ADRA1A: variants seen among roughly 807,000 people sequenced by gnomAD.
ADRA1A encodes alpha-1A adrenergic receptor.
In ADRA1A, 31 loss-of-function variants were observed where a neutral mutation model predicts 29.6. That is an observed-to-expected ratio of 1.05 (90% CI 0.79 to 1.41). The LOEUF (loss-of-function observed/expected upper bound fraction) is 1.41. Among genes scored for constraint, ADRA1A ranks in the 40% most tolerant of loss-of-function variants. The pLI is 0.00. For missense variants in ADRA1A, 619 were observed against 601.1 expected (o/e 1.03, Z -0.31); for synonymous variants, 311 against 254.3 (o/e 1.22, Z -2.12).
downstream of ADRA1A, among the ~76,000 whole-genome samples, chr8:26,751,779 G>A (rs980531951): frequency 6.6e-6 from 1 of 152,186 alleles, no homozygotes; most frequent in South Asian, 2.1e-4. Context: ...TGTTTATTAT[G>A]AACTACACAG....
At chr8:26,824,805 C>G (rs1334784110) in intron 2 of ADRA1A, among the ~76,000 whole-genome samples, 1 of 152,142 alleles carries the variant, frequency 6.6e-6, no homozygotes, top group African/African-American at 2.4e-5. Context: ...GTGACTAATA[C>G]CCAGAGACAG....
chr8:26,823,323 T>G lies in ADRA1A; in HGVS notation c.883+40764A>C, dbSNP rs567852856. Reference sequence around the variant, plus strand: ...GGCTGGGCATGGGCGGTGACTTCCATCTGCTTCCTCATGGAGCACAGCCTC... The same window carrying G: ...GGCTGGGCATGGGCGGTGACTTCCAGCTGCTTCCTCATGGAGCACAGCCTC... On this transcript the variant is annotated intron_variant, in intron 2 of 2. Transcript: ENST00000380573. The surrounding 1 kb of genome is among the most constrained non-coding windows in gnomAD (Gnocchi z 4.2). 6.6e-6 allele frequency among the ~76,000 whole-genome samples: 1 copy of G among 152,122 alleles called. No homozygotes were observed. The highest frequency in any genetic ancestry group is 1.5e-5 in the Non-Finnish European group (1 of 68,032).
intron 2 of ADRA1A, among the ~76,000 whole-genome samples, chr8:26,852,251 T>C (rs1245476811): frequency 6.6e-6 from 1 of 152,176 alleles, no homozygotes; most frequent in Non-Finnish European, 1.5e-5. Flanking sequence ...AAACTTTGCG[T>C]AGAAGCAAAT....
intron 2 of ADRA1A, among the ~76,000 whole-genome samples, chr8:26,774,327 G>T (rs1806384484): frequency 6.6e-6 from 1 of 152,200 alleles, no homozygotes; most frequent in Admixed American, 6.5e-5. Flanking sequence ...GGTTAGATGA[G>T]AGACTCATAG....
At chr8:26,816,102 G>A (rs1809737608) in intron 2 of ADRA1A, among the ~76,000 whole-genome samples, 1 of 152,218 alleles carries the variant, frequency 6.6e-6, no homozygotes, top group Admixed American at 6.5e-5. Flanking sequence ...CCCTCTTAGT[G>A]TAGGCCTGAG....
chr8:26,850,236 A>T (rs1032717484), intron 2 of ADRA1A, among the ~76,000 whole-genome samples: 2 of 152,108 alleles, frequency 1.3e-5, no homozygotes, highest in Non-Finnish European at 1.5e-5. Context: ...AGAGAAAAAA[A>T]TTTTATAAAC....
chr8:26,783,792 A>G (rs1280549310), intron 2 of ADRA1A, among the ~76,000 whole-genome samples: 4 of 152,252 alleles, frequency 2.6e-5, no homozygotes, highest in Admixed American at 2.6e-4. Context: ...ATGCCCATCA[A>G]TGATAGACTG....
Position 26,823,259 on chromosome 8 carries a change from A to G in ADRA1A, c.883+40828T>C, listed in dbSNP as rs1810311758. ...CTGTGACACATGCTTCTTTGGCCAC[A>G]TGGTATAGTGTCTGCCTTCCACACT... is the stretch of plus-strand genomic sequence containing the variant. On this transcript the variant is annotated intron_variant, in intron 2 of 2. Coordinates refer to ENST00000380573, the MANE Select transcript of ADRA1A (RefSeq NM_000680.4). The surrounding 1 kb of genome is among the most constrained non-coding windows in gnomAD (Gnocchi z 4.2). Among the ~76,000 whole-genome samples, 1 of 151,442 alleles carries G rather than the reference A, an allele frequency of 6.6e-6. No individual in the cohort carries two copies. The highest frequency in any genetic ancestry group is 1.5e-5 in the Non-Finnish European group (1 of 68,022).
intron 2 of ADRA1A, among the ~76,000 whole-genome samples, chr8:26,830,106 A>G (rs1332902646): frequency 3.3e-5 from 5 of 152,186 alleles, no homozygotes; most frequent in African/African-American, 9.7e-5. Context: ...AGAACTGTCA[A>G]TAACCCAGCC....
In ADRA1A at chr8:26,865,020, G is replaced by C. The variant is rs921593837; in HGVS notation, c.-51C>G. ...CCGGCTGTCCAGGGCCACCTCCCGG[G>C]CTGGCGCGGAGGCGGGAGCGCGGGA... On this transcript the variant is annotated 5_prime_UTR_variant, in exon 2 of 3. Transcript: ENST00000380573. The surrounding 1 kb of genome is among the most constrained non-coding windows in gnomAD (Gnocchi z 7.6). The C allele has an allele frequency of 6.5e-7, 1 of 1,529,082 alleles. No homozygotes were observed. Among genetic ancestry groups the C allele is most frequent in the Non-Finnish European group, 8.7e-7 (1 of 1,146,638 alleles). The allele number at this position is 1,529,082 out of a possible 1,614,324, so 94.7% of individuals were successfully genotyped here.
At position 26,831,416 on chromosome 8, in the gene ADRA1A, A is replaced by G. The variant is rs773884927; in HGVS notation, c.883+32671T>C. ...AGAAAGAGAGAGAGCCTGCTATGCCATGGCCAGTGCTCAAGTGGGCAGACT... is the reference window on the plus strand; with the variant it reads ...AGAAAGAGAGAGAGCCTGCTATGCCGTGGCCAGTGCTCAAGTGGGCAGACT... On this transcript the variant is annotated intron_variant, in intron 2 of 2. Coordinates refer to ENST00000380573, the MANE Select transcript of ADRA1A (RefSeq NM_000680.4). The surrounding 1 kb of genome is among the most constrained non-coding windows in gnomAD (Gnocchi z 5.2). Among the ~76,000 whole-genome samples, 23 of 152,116 alleles carry G rather than the reference A, an allele frequency of 1.5e-4. 1 individual carries two copies. Among genetic ancestry groups the G allele is most frequent in the Non-Finnish European group, 2.6e-4 (18 of 68,020 alleles).
chr8:26,783,822 A>G (rs1452248631), intron 2 of ADRA1A, among the ~76,000 whole-genome samples: 1 of 152,270 alleles, frequency 6.6e-6, no homozygotes, highest in East Asian at 1.9e-4. Context: ...AATGTGGTAC[A>G]TATATACCAT....
chr8:26,770,256 C>T lies in ADRA1A; in HGVS notation c.1294G>A (p.Val432Ile). The change falls in exon 3 of 3, where the codon GTC becomes ATC. Residue 432 changes from valine to isoleucine, a missense_variant. Val to Ile is a conservative substitution (Grantham distance 29). Transcript: ENST00000380573. ...ARVRSKSFLQVCCCVGPSTPS... is the reference protein window; with the variant it reads ...ARVRSKSFLQICCCVGPSTPS... ...GTTGAGGGCCCTACACAGCAGCAGACCTGCAAAAAGCTTTTACTTCTCACC... is the reference window on the plus strand; with the variant it reads ...GTTGAGGGCCCTACACAGCAGCAGATCTGCAAAAAGCTTTTACTTCTCACC... 6.2e-7 allele frequency: 1 copy of T among 1,613,978 alleles called. No individual in the cohort carries two copies.
chr8:26,823,493 C>G lies in ADRA1A; in HGVS notation c.883+40594G>C, dbSNP rs1171607314. Among the ~76,000 whole-genome samples, 1 of 152,182 alleles carries G rather than the reference C, an allele frequency of 6.6e-6. No homozygotes were observed. Among genetic ancestry groups the G allele is most frequent in the Non-Finnish European group, 1.5e-5 (1 of 68,034 alleles). On this transcript the variant is annotated intron_variant, in intron 2 of 2. Coordinates refer to ENST00000380573, the MANE Select transcript of ADRA1A (RefSeq NM_000680.4). The surrounding 1 kb of genome is among the most constrained non-coding windows in gnomAD (Gnocchi z 4.2). ...TTCATTGACAGGTAATTATTGTTCT[C>G]TCATAAAAACTGAATTCTATGAAGA...
chr8:26,807,910 C>T (rs920975319), intron 2 of ADRA1A, among the ~76,000 whole-genome samples: 2 of 152,174 alleles, frequency 1.3e-5, no homozygotes, highest in Admixed American at 1.3e-4. Context: ...CTCTCTACAC[C>T]ATCACCTCCT....
chr8:26,847,064 T>C (rs1812257364), intron 2 of ADRA1A, among the ~76,000 whole-genome samples: 1 of 151,910 alleles, frequency 6.6e-6, no homozygotes, highest in Admixed American at 6.6e-5. Flanking sequence ...CTCTGGGGAC[T>C]GTCGTGGGGT....
chr8:26,758,773 A>C (rs1158261948), intron 2 of ADRA1A, among the ~76,000 whole-genome samples: 1 of 152,186 alleles, frequency 6.6e-6, no homozygotes, highest in Non-Finnish European at 1.5e-5. Context: ...TGAGCACAGG[A>C]GAACACCAGG....
In ADRA1A at chr8:26,821,808, AT is replaced by A. The variant is rs1420881035; in HGVS notation, c.883+42278del. ...CACTAATCTGTTCTCTATTTCTATAATTTTGTCATTTCAAGAATGTTATGTA... is the reference window on the plus strand; with the variant it reads ...CACTAATCTGTTCTCTATTTCTATAATTTGTCATTTCAAGAATGTTATGTA... On this transcript the variant is annotated intron_variant, in intron 2 of 2. Coordinates refer to ENST00000380573, the MANE Select transcript of ADRA1A (RefSeq NM_000680.4). The surrounding 1 kb of genome is among the most constrained non-coding windows in gnomAD (Gnocchi z 5.6). Among the ~76,000 whole-genome samples, 1 of 152,150 alleles carries A rather than the reference AT, an allele frequency of 6.6e-6. No individual in the cohort carries two copies. Among genetic ancestry groups the A allele is most frequent in the Non-Finnish European group, 1.5e-5 (1 of 68,016 alleles).
rs1805934688 is a variant in ADRA1A at position 26,768,814 on chromosome 8, TGA to T, written c.*1333_*1334del. On this transcript the variant is annotated 3_prime_UTR_variant, in exon 3 of 3. Coordinates refer to ENST00000380573, the MANE Select transcript of ADRA1A (RefSeq NM_000680.4). The stretch of plus-strand genomic sequence containing the variant: ...GAAAAGAGATACACAAGTTCTGTAC[TGA>T]GTTATTATGGTTTACCAAAATTTGG... 1.3e-6 allele frequency: 1 copy of T among 758,586 alleles called. No homozygotes were observed. Among genetic ancestry groups the T allele is most frequent in the Non-Finnish European group, 1.6e-6 (1 of 623,548 alleles). 47.0% of individuals were successfully genotyped at this position (758,586 alleles called of 1,614,324 possible). A position where few individuals can be genotyped will look rare whatever the true frequency, so the allele number is the denominator to read the frequency against.
Sources: allele counts gnomAD v4.1 joint callset (sites outside exome capture counted in the v4.1 genomes callset), GRCh38; gene constraint gnomAD v4.1.1; non-coding constraint Gnocchi (gnomAD v3.1); transcripts MANE v1.5; gene names NCBI Gene and HGNC (gene_info 2026-07-23, HGNC 2026-07-21).